EMC2: variants seen among roughly 807,000 people sequenced by gnomAD.
EMC2 encodes ER membrane protein complex subunit 2.
In EMC2, 37 loss-of-function variants were observed where a neutral mutation model predicts 51.6. The ratio of observed to expected loss-of-function variants is 0.72; its 90% CI spans 0.55 to 0.94. EMC2 has a LOEUF of 0.94. EMC2 is among the 40% of genes least tolerant of loss of function. The pLI, the probability that EMC2 is intolerant of heterozygous loss-of-function variation, is 0.00. For missense variants in EMC2, 359 were observed against 350.9 expected (o/e 1.02, Z -0.18); for synonymous variants, 131 against 112.4 (o/e 1.17, Z -1.04).
At chr8:108,452,851 A>C (rs1482563591) in intron 3 of EMC2, among the ~76,000 whole-genome samples, 1 of 152,208 alleles carries the variant, frequency 6.6e-6, no homozygotes, top group Non-Finnish European at 1.5e-5. Flanking sequence ...GGTTAAGAGC[A>C]TGATCAGTTT....
At chr8:108,467,958 T>C in intron 5 of EMC2, among the ~76,000 whole-genome samples, 1 of 152,216 alleles carries the variant, frequency 6.6e-6, no homozygotes, top group African/African-American at 2.4e-5. Context: ...TTTATATTGA[T>C]GCTTGAAGAT....
At chr8:108,460,408 T>C (rs988033144) in intron 5 of EMC2, among the ~76,000 whole-genome samples, 1 of 152,180 alleles carries the variant, frequency 6.6e-6, no homozygotes, top group Admixed American at 6.5e-5. Flanking sequence ...TGTGAAGTGG[T>C]ACAGATTGAA....
intron 5 of EMC2, among the ~76,000 whole-genome samples, chr8:108,463,549 T>G (rs1221033042): frequency 1.3e-5 from 2 of 152,166 alleles, no homozygotes; most frequent in Non-Finnish European, 2.9e-5. Context: ...GCAGAGTAAT[T>G]ATTGTCTTTT....
intron 10 of EMC2, 95 bp from the exon 11 acceptor site, chr8:108,486,417 C>A: frequency 7.3e-7 from 1 of 1,374,264 alleles, no homozygotes; most frequent in Non-Finnish European, 9.5e-7. Flanking sequence ...ATAAAATAGT[C>A]AATGTTAAGT....
At chr8:108,446,758 A>G (rs1218597634) in intron 1 of EMC2, among the ~76,000 whole-genome samples, 1 of 152,174 alleles carries the variant, frequency 6.6e-6, no homozygotes, top group Non-Finnish European at 1.5e-5. Flanking sequence ...TTTACAAATA[A>G]TTTTTTTAGA....
intron 4 of EMC2, among the ~76,000 whole-genome samples, chr8:108,455,281 A>T (rs1293946519): frequency 6.6e-6 from 1 of 151,820 alleles, no homozygotes; most frequent in Non-Finnish European, 1.5e-5. Flanking sequence ...GAAAGTTTGT[A>T]TTGATAATTC....
intron 4 of EMC2, among the ~76,000 whole-genome samples, chr8:108,454,682 A>G (rs1285225356): frequency 1.3e-5 from 2 of 152,014 alleles, no homozygotes; most frequent in Non-Finnish European, 2.9e-5. Context: ...CTTTCTTTAT[A>G]TATTAGAACC....
At chr8:108,484,853 CA>C (rs1811106489) in intron 10 of EMC2, among the ~76,000 whole-genome samples, 1 of 151,960 alleles carries the variant, frequency 6.6e-6, no homozygotes, top group Non-Finnish European at 1.5e-5. Context: ...CTTTAGTCCT[CA>C]GGGGAAATTA....
intron 7 of EMC2, 151 bp from the exon 8 acceptor site, chr8:108,475,731 A>G: frequency 1.9e-6 from 1 of 536,746 alleles, no homozygotes; most frequent in South Asian, 2.6e-5. Flanking sequence ...TGAATTTCAG[A>G]TGACAAATAC....
intron 3 of EMC2, among the ~76,000 whole-genome samples, chr8:108,450,885 C>T (rs552724231): frequency 1.2e-4 from 19 of 152,106 alleles, no homozygotes; most frequent in African/African-American, 3.6e-4. Context: ...AAAATCCCGA[C>T]GTATAGAACA....
chr8:108,449,133 G>T (rs1180157334), intron 1 of EMC2, among the ~76,000 whole-genome samples: 1 of 152,086 alleles, frequency 6.6e-6, no homozygotes, highest in Non-Finnish European at 1.5e-5. Context: ...ACCTTTAAGA[G>T]ACAGGGGTCT....
In EMC2 at chr8:108,488,642, C is replaced by T. The variant is rs1327903677; in HGVS notation, c.*2044C>T. On this transcript the variant is annotated 3_prime_UTR_variant, in exon 11 of 11. Transcript: ENST00000220853. ...TTCTTTAGCAGTACCTTAGTTTGAT[C>T]TGATAGTGGCAAGGATCCCTCTTCC... 2.0e-5 allele frequency among the ~76,000 whole-genome samples: 3 copies of T among 152,158 alleles called. No individual in the cohort carries two copies. Among genetic ancestry groups the T allele is most frequent in the African/African-American group, 7.2e-5 (3 of 41,436 alleles).
At position 108,449,944 on chromosome 8, in the gene EMC2, C is replaced by A. The variant is rs1818976481; in HGVS notation, c.154+8C>A. ...CTAAGCTGGGAGATGATAGTAAGTTCTTTTATTACATTCAGGCTCAGTACA... is the reference window on the plus strand; with the variant it reads ...CTAAGCTGGGAGATGATAGTAAGTTATTTTATTACATTCAGGCTCAGTACA... On this transcript the variant is annotated splice_region_variant and intron_variant, in intron 2 of 10. Transcript: ENST00000220853. 5 of 1,287,088 alleles carry A rather than the reference C, an allele frequency of 3.9e-6. No individual in the cohort carries two copies. Among genetic ancestry groups the A allele is most frequent in the Non-Finnish European group, 5.6e-6 (5 of 894,978 alleles). The allele number at this position is 1,287,088 out of a possible 1,614,324, so 79.7% of individuals were successfully genotyped here.
rs113642687 is a variant in EMC2, at chr8:108,463,596, T to G, written c.364-6230T>G. Among the ~76,000 whole-genome samples the G allele has an allele frequency of 6.5e-3, 984 of 152,288 alleles. 13 individuals are homozygous for G. Among genetic ancestry groups the G allele is most frequent in the African/African-American group, 0.022 (906 of 41,570 alleles). On this transcript the variant is annotated intron_variant, in intron 5 of 10. Transcript: ENST00000220853. ...TACTTCAGAAGATCAGATTTTGTCC[T>G]GAATTGTGAACTCTGCCTATTGTGA...
intron 10 of EMC2, among the ~76,000 whole-genome samples, chr8:108,479,985 T>C (rs1442358494): frequency 6.6e-6 from 1 of 152,136 alleles, no homozygotes; most frequent in East Asian, 1.9e-4. Context: ...ACTTGTCTGG[T>C]TACGCAAAGG....
chr8:108,467,082 C>T (rs1810737343), intron 5 of EMC2, among the ~76,000 whole-genome samples: 1 of 152,108 alleles, frequency 6.6e-6, no homozygotes, highest in African/African-American at 2.4e-5. Context: ...ATTATCACTG[C>T]CTGCTCCTCA....
At chr8:108,484,727 G>A (rs935944386) in intron 10 of EMC2, among the ~76,000 whole-genome samples, 2 of 151,754 alleles carry the variant, frequency 1.3e-5, no homozygotes, top group East Asian at 1.9e-4. Flanking sequence ...GATTAGGACC[G>A]TTCCTATTTA....
At chr8:108,460,006 C>T (rs1819276274) in intron 5 of EMC2, among the ~76,000 whole-genome samples, 1 of 152,012 alleles carries the variant, frequency 6.6e-6, no homozygotes, top group African/African-American at 2.4e-5. Flanking sequence ...AAAAAGCACC[C>T]ATTTTTTTCT....
At chr8:108,467,024 A>G (rs7828721) in intron 5 of EMC2, among the ~76,000 whole-genome samples, 103,973 of 151,984 alleles carry the variant, frequency 0.68, 36,134 homozygotes, top group African/African-American at 0.81. Context: ...AGGATTTGCA[A>G]TGTAAGTCTG....
Sources: allele counts gnomAD v4.1 joint callset (sites outside exome capture counted in the v4.1 genomes callset), GRCh38; gene constraint gnomAD v4.1.1; transcripts MANE v1.5; gene names NCBI Gene and HGNC (gene_info 2026-07-23, HGNC 2026-07-21).